The following SPIDR variants were observed in gnomAD, a reference collection of about 807,000 sequenced individuals.
SPIDR encodes the protein DNA repair-scaffolding protein.
In SPIDR, 93 loss-of-function variants were observed where a neutral mutation model predicts 104.6. That is an observed-to-expected ratio of 0.89 (90% CI 0.75 to 1.06). The LOEUF (loss-of-function observed/expected upper bound fraction) is 1.06. Ranked by LOEUF, SPIDR falls within the 50% of genes least tolerant of loss-of-function variation. SPIDR has a pLI of 0.00. For missense variants in SPIDR, 1,154 were observed against 1,111.2 expected (o/e 1.04, Z -0.55); for synonymous variants, 431 against 416.9 (o/e 1.03, Z -0.41).
chr8:47,462,219 C>G (rs1554713991), intron 8 of SPIDR, among the ~76,000 whole-genome samples: 3 of 152,108 alleles, frequency 2.0e-5, no homozygotes, highest in African/African-American at 7.2e-5. Context: ...GCTGCCAAGC[C>G]CTCGACTAGT....
rs555737507 is a variant in SPIDR, at chr8:47,492,641, G to A, written c.1097+52099G>A. ...TAGCTGGTTACCTGCCTACTTCTGG[G>A]CCCTTCTTTTCTCAAGCCATTTTTG... On this transcript the variant is annotated intron_variant, in intron 8 of 19. Coordinates refer to ENST00000297423, the MANE Select transcript of SPIDR (RefSeq NM_001080394.4). Among the ~76,000 whole-genome samples, 5 of 152,090 alleles carry A rather than the reference G, an allele frequency of 3.3e-5. No homozygotes were observed. In the South Asian group the frequency reaches 8.3e-4, roughly 25 times the overall value.
At chr8:47,576,079 A>G (rs897031719) in intron 8 of SPIDR, among the ~76,000 whole-genome samples, 1 of 151,376 alleles carries the variant, frequency 6.6e-6, no homozygotes, top group Admixed American at 6.6e-5. Flanking sequence ...TAGGCATATT[A>G]TAAATCGAAT....
chr8:47,437,774 C>T (rs2068638750), intron 7 of SPIDR, among the ~76,000 whole-genome samples: 1 of 152,018 alleles, frequency 6.6e-6, no homozygotes, highest in African/African-American at 2.4e-5. Flanking sequence ...AATAGGAACA[C>T]TTTTACACTG....
At chr8:47,718,842 G>A (rs2082960886) in intron 16 of SPIDR, among the ~76,000 whole-genome samples, 1 of 152,100 alleles carries the variant, frequency 6.6e-6, no homozygotes, top group Non-Finnish European at 1.5e-5. Context: ...GTAGACGTGT[G>A]CCATGGTGGT....
At chr8:47,261,096 G>A in intron 1 of SPIDR, 105 bp downstream of exon 1, 1 of 1,179,246 alleles carries the variant, frequency 8.5e-7, no homozygotes, top group Non-Finnish European at 1.1e-6. Flanking sequence ...GAGAGGGTGG[G>A]CGTTGGGGGT....
intron 10 of SPIDR, among the ~76,000 whole-genome samples, chr8:47,646,449 A>G (rs1189396291): frequency 6.6e-6 from 1 of 152,224 alleles, no homozygotes; most frequent in Non-Finnish European, 1.5e-5. Flanking sequence ...ATACTTGTGT[A>G]TATATGAAAT....
chr8:47,729,154 C>T, intron 18 of SPIDR, 107 bp downstream of exon 18: 1 of 1,541,006 alleles, frequency 6.5e-7, no homozygotes, highest in East Asian at 2.4e-5. Flanking sequence ...TGCAGAGGCG[C>T]TGGGACTCGG....
At chr8:47,624,412 C>A (rs2065669219) in intron 10 of SPIDR, among the ~76,000 whole-genome samples, 1 of 152,070 alleles carries the variant, frequency 6.6e-6, no homozygotes, top group African/African-American at 2.4e-5. Context: ...AAGACAGAGA[C>A]ACAAAAAACC....
At chr8:47,522,078 C>T (rs1025842947) in intron 8 of SPIDR, among the ~76,000 whole-genome samples, 8 of 151,230 alleles carry the variant, frequency 5.3e-5, no homozygotes, top group African/African-American at 1.9e-4. Flanking sequence ...GCAGGAGAAT[C>T]GCTTGAACCT....
At chr8:47,294,973 G>A (rs2040579335) in intron 5 of SPIDR, among the ~76,000 whole-genome samples, 1 of 151,978 alleles carries the variant, frequency 6.6e-6, no homozygotes, top group Admixed American at 6.6e-5. Context: ...GTTGCGTCAT[G>A]TCTCATTTTT....
chr8:47,489,704 T>C (rs1284063012), intron 8 of SPIDR, among the ~76,000 whole-genome samples: 1 of 152,300 alleles, frequency 6.6e-6, no homozygotes, highest in African/African-American at 2.4e-5. Flanking sequence ...ACCACACATC[T>C]ACAACCATCT....
At chr8:47,455,953 G>T (rs2072880002) in intron 8 of SPIDR, among the ~76,000 whole-genome samples, 1 of 152,090 alleles carries the variant, frequency 6.6e-6, no homozygotes, top group Non-Finnish European at 1.5e-5. Context: ...CAAACATGCA[G>T]GAGAGCCGTA....
At chr8:47,693,336 G>A (rs1198062953) in intron 11 of SPIDR, among the ~76,000 whole-genome samples, 1 of 152,204 alleles carries the variant, frequency 6.6e-6, no homozygotes, top group African/African-American at 2.4e-5. Context: ...GTGAATTTAG[G>A]TTAAAGAAAT....
chr8:47,528,964 C>T (rs577702181), intron 8 of SPIDR, among the ~76,000 whole-genome samples: 5 of 152,260 alleles, frequency 3.3e-5, no homozygotes, highest in East Asian at 1.9e-4. Context: ...ACAAAATCTA[C>T]GCTTAAGCAT....
chr8:47,399,412 C>G (rs145971965), intron 6 of SPIDR, among the ~76,000 whole-genome samples: 12 of 152,334 alleles, frequency 7.9e-5, no homozygotes, highest in Middle Eastern at 3.4e-3. Context: ...GCACATGTAT[C>G]TGGCTTGGGA....
At chr8:47,600,315 A>G (rs768189950) in intron 10 of SPIDR, among the ~76,000 whole-genome samples, 1 of 151,996 alleles carries the variant, frequency 6.6e-6, no homozygotes, top group Non-Finnish European at 1.5e-5. Flanking sequence ...GGAGTTTGAG[A>G]CCAGCCTGGG....
intron 8 of SPIDR, among the ~76,000 whole-genome samples, chr8:47,535,626 T>A (rs1038020627): frequency 4.6e-5 from 7 of 151,538 alleles, no homozygotes; most frequent in African/African-American, 1.7e-4. Context: ...AGAAGAAAAA[T>A]CAAATCTTAT....
At chr8:47,388,005 T>C in intron 5 of SPIDR, among the ~76,000 whole-genome samples, 1 of 152,248 alleles carries the variant, frequency 6.6e-6, no homozygotes, top group East Asian at 1.9e-4. Flanking sequence ...CTCAGTTGTC[T>C]AGACTCGTCT....
At chr8:47,689,900 G>A (rs763286342) in intron 11 of SPIDR, among the ~76,000 whole-genome samples, 28 of 152,042 alleles carry the variant, frequency 1.8e-4, no homozygotes, top group Non-Finnish European at 1.6e-4. Flanking sequence ...TATTTGGCAC[G>A]TCAATGTAAA....
Sources: gnomAD v4.1 joint callset for allele counts (sites outside exome capture counted in the v4.1 genomes callset) on GRCh38, gnomAD v4.1.1 for gene constraint, MANE v1.5 for transcripts, NCBI Gene and HGNC (gene_info 2026-07-23, HGNC 2026-07-21) for gene names.